DPP10: variants seen among roughly 807,000 people sequenced by gnomAD.
DPP10 encodes inactive dipeptidyl peptidase 10.
Under a neutral mutation model 120.9 loss-of-function variants are expected in DPP10, and 33 were observed. That is an observed-to-expected ratio of 0.27 (90% CI 0.21 to 0.37). DPP10 has a LOEUF of 0.37. Among genes scored for constraint, DPP10 ranks in the 10% least tolerant of loss-of-function variants. The pLI is 1.00. For synonymous variants in DPP10, 337 were observed against 326.1 expected (o/e 1.03, Z -0.36); for missense variants, 816 against 942.8 (o/e 0.87, Z 1.76).
chr2:114,823,099 A>G (rs970155286), intron 1 of DPP10, among the ~76,000 whole-genome samples: 1 of 152,120 alleles, frequency 6.6e-6, no homozygotes, highest in Non-Finnish European at 1.5e-5. Flanking sequence ...AATTTACTGT[A>G]TTACTTCTCA....
At chr2:114,773,965 T>C (rs984898042) in intron 1 of DPP10, among the ~76,000 whole-genome samples, 1 of 152,054 alleles carries the variant, frequency 6.6e-6, no homozygotes, top group African/African-American at 2.4e-5. Flanking sequence ...CTTTTAAACT[T>C]TATCAAATAT....
chr2:115,824,811 G>A (rs12711836), intron 21 of DPP10, among the ~76,000 whole-genome samples: 147,914 of 152,292 alleles, frequency 0.97, 72,003 homozygotes, highest in East Asian at 1. Flanking sequence ...ATAGAATGAT[G>A]GTATTTCTAA....
Position 115,717,964 on chromosome 2 carries a change from C to A in DPP10, c.577-9852C>A, listed in dbSNP as rs181626199. On this transcript the variant is annotated intron_variant, in intron 7 of 25. Coordinates refer to ENST00000410059, the MANE Select transcript of DPP10 (RefSeq NM_020868.6). ...ATACTCACATAATACAAGGATCCTCCAAAATAGAAAGGGAAGTCAGATGTG... is the reference window on the plus strand; with the variant it reads ...ATACTCACATAATACAAGGATCCTCAAAAATAGAAAGGGAAGTCAGATGTG... Among the ~76,000 whole-genome samples the A allele has an allele frequency of 1.5e-3, 228 of 151,926 alleles. 1 individual carries two copies. The highest frequency in any genetic ancestry group is 4.6e-3 in the South Asian group (22 of 4,800).
intron 21 of DPP10, among the ~76,000 whole-genome samples, chr2:115,835,133 C>T (rs1689336581): frequency 2.0e-5 from 3 of 148,026 alleles, no homozygotes. Flanking sequence ...AAGACTCTGT[C>T]TAAAAAAAAA....
chr2:114,485,462 G>GTTTT (rs199626722), intron 1 of DPP10, among the ~76,000 whole-genome samples: 81 of 137,192 alleles, frequency 5.9e-4, no homozygotes, highest in African/African-American at 1.9e-3. Flanking sequence ...AGGAAAAACT[G>GTTTT]TTTTTTTTTT....
intron 14 of DPP10, 56 bp from the exon 15 acceptor site, chr2:115,777,731 A>C: frequency 6.3e-7 from 1 of 1,575,440 alleles, no homozygotes; most frequent in South Asian, 1.1e-5. Flanking sequence ...CAAAATTCAC[A>C]GATCACAAAA....
chr2:114,630,230 A>C (rs1694819948), intron 1 of DPP10, among the ~76,000 whole-genome samples: 1 of 152,182 alleles, frequency 6.6e-6, no homozygotes, highest in Admixed American at 6.5e-5. Flanking sequence ...CTTTAGACAA[A>C]TGTAACAAGA....
chr2:115,341,035 A>G (rs1474767370), intron 2 of DPP10, among the ~76,000 whole-genome samples: 1 of 152,110 alleles, frequency 6.6e-6, no homozygotes, highest in Non-Finnish European at 1.5e-5. Context: ...TTTTATTGAG[A>G]TACCTCATAG....
At chr2:115,081,337 C>T (rs951994079) in intron 1 of DPP10, among the ~76,000 whole-genome samples, 1 of 152,112 alleles carries the variant, frequency 6.6e-6, no homozygotes, top group Non-Finnish European at 1.5e-5. Context: ...AAATTAAACT[C>T]AAGATAATTG....
chr2:114,673,590 G>A (rs1457311061), intron 1 of DPP10, among the ~76,000 whole-genome samples: 1 of 151,842 alleles, frequency 6.6e-6, no homozygotes, highest in African/African-American at 2.4e-5. Flanking sequence ...CAAGAAGATG[G>A]GTCTACAGAT....
chr2:114,836,047 A>G (rs1173267252), intron 1 of DPP10, among the ~76,000 whole-genome samples: 1 of 152,132 alleles, frequency 6.6e-6, no homozygotes, highest in Non-Finnish European at 1.5e-5. Flanking sequence ...ATTGGATATG[A>G]TTCTTTGCTC....
intron 3 of DPP10, among the ~76,000 whole-genome samples, chr2:115,371,919 A>G (rs1040942127): frequency 5.9e-5 from 9 of 152,148 alleles, no homozygotes; most frequent in African/African-American, 2.2e-4. Context: ...ACTTATAAGA[A>G]CTATTTTTCA....
chr2:115,565,769 G>GTTTTTTTTTTT (rs144846765), intron 5 of DPP10, among the ~76,000 whole-genome samples: 8 of 136,178 alleles, frequency 5.9e-5, no homozygotes, highest in Non-Finnish European at 7.7e-5. Context: ...TGTTTGTTTT[G>GTTTTTTTTTTT]TTTTTTTTTG....
At chr2:115,831,301 T>A (rs576450235) in intron 21 of DPP10, among the ~76,000 whole-genome samples, 6 of 152,178 alleles carry the variant, frequency 3.9e-5, no homozygotes, top group Non-Finnish European at 7.4e-5. Flanking sequence ...CAGGCTGGAG[T>A]GCAGTGGCGC....
At chr2:115,497,684 A>G (rs1575021964) in intron 3 of DPP10, among the ~76,000 whole-genome samples, 2 of 152,098 alleles carry the variant, frequency 1.3e-5, no homozygotes, top group Non-Finnish European at 1.5e-5. Context: ...CATAGAGGGA[A>G]TAGAAGTTAG....
At chr2:115,318,245 T>C (rs2061892928) in intron 2 of DPP10, among the ~76,000 whole-genome samples, 1 of 152,138 alleles carries the variant, frequency 6.6e-6, no homozygotes, top group Non-Finnish European at 1.5e-5. Context: ...GTTATAGATA[T>C]ATGAGTTATT....
intron 1 of DPP10, among the ~76,000 whole-genome samples, chr2:115,210,214 C>T (rs962209101): frequency 2.3e-4 from 35 of 152,084 alleles, no homozygotes; most frequent in African/African-American, 8.2e-4. Context: ...TGTTCCCCAT[C>T]CTGTGTCCAA....
At chr2:115,628,076 G>C (rs567334586) in intron 5 of DPP10, among the ~76,000 whole-genome samples, 1 of 151,116 alleles carries the variant, frequency 6.6e-6, no homozygotes, top group South Asian at 2.1e-4. Flanking sequence ...TCTGGTTCTA[G>C]GTCTTTGAAG....
chr2:114,775,528 G>A (rs1681648901), intron 1 of DPP10, among the ~76,000 whole-genome samples: 1 of 152,060 alleles, frequency 6.6e-6, no homozygotes, highest in Non-Finnish European at 1.5e-5. Context: ...TTTCTTCTTT[G>A]AGCTTCCTCA....
Sources: allele counts gnomAD v4.1 joint callset (sites outside exome capture counted in the v4.1 genomes callset), GRCh38; gene constraint gnomAD v4.1.1; transcripts MANE v1.5; gene names NCBI Gene and HGNC (gene_info 2026-07-23, HGNC 2026-07-21).